The following CSMD1 variants were observed in gnomAD, a reference collection of about 807,000 sequenced individuals.
CSMD1 encodes the protein CUB and sushi domain-containing protein 1.
Under a neutral mutation model 417.5 loss-of-function variants are expected in CSMD1, and 213 were observed. The observed-to-expected ratio is 0.51, with a 90% CI of 0.46 to 0.57. The LOEUF is 0.57. Ranked by LOEUF, CSMD1 falls within the 20% of genes least tolerant of loss-of-function variation. CSMD1 has a pLI of 0.00. For synonymous variants in CSMD1, 2,862 were observed against 1,736.8 expected (o/e 1.65, Z -16.11); for missense variants, 6,923 against 4,529.7 (o/e 1.53, Z -15.17).
intron 7 of CSMD1, among the ~76,000 whole-genome samples, chr8:3,661,925 G>C (rs548932849): frequency 2.0e-5 from 3 of 152,174 alleles, no homozygotes; most frequent in Non-Finnish European, 2.9e-5. Context: ...TTATAGCAAA[G>C]AGGAGTAAGA....
rs114287682 is a variant in CSMD1 at position 3,693,921 on chromosome 8, G to C, written c.1009+14493C>G. On this transcript the variant is annotated intron_variant, in intron 7 of 69. Transcript: ENST00000635120. ...GTGTTGGCGTCTTGTGTGTGTGTGT[G>C]TTTGTTATGGTGTGTGCGTCGTGTG... 3.1e-3 allele frequency among the ~76,000 whole-genome samples: 473 copies of C among 151,502 alleles called. 5 individuals carry two copies. Among genetic ancestry groups the C allele is most frequent in the African/African-American group, 0.011 (455 of 41,272 alleles).
intron 3 of CSMD1, among the ~76,000 whole-genome samples, chr8:4,137,669 G>A (rs890184960): frequency 7.6e-6 from 1 of 130,926 alleles, no homozygotes; most frequent in Non-Finnish European, 1.8e-5. Flanking sequence ...CATACTGAAA[G>A]TAACTTCTTA....
intron 5 of CSMD1, among the ~76,000 whole-genome samples, chr8:3,763,332 G>C (rs1798110538): frequency 6.6e-6 from 1 of 152,156 alleles, no homozygotes; most frequent in Admixed American, 6.5e-5. Flanking sequence ...CCTGTGGGAG[G>C]TGTTGGTGTC....
intron 1 of CSMD1, among the ~76,000 whole-genome samples, chr8:4,643,074 T>C (rs547505628): frequency 6.6e-6 from 1 of 152,282 alleles, no homozygotes; most frequent in South Asian, 2.1e-4. Context: ...CGTATATAGA[T>C]TTGTGTGTAA....
At chr8:4,777,501 A>G (rs1476747567) in intron 1 of CSMD1, among the ~76,000 whole-genome samples, 1 of 152,208 alleles carries the variant, frequency 6.6e-6, no homozygotes, top group Non-Finnish European at 1.5e-5. Context: ...GAATAAAACA[A>G]TCATCCCAGT....
At chr8:3,761,500 A>ATTTTTTTT (rs57655479) in intron 5 of CSMD1, among the ~76,000 whole-genome samples, 12 of 93,398 alleles carry the variant, frequency 1.3e-4, no homozygotes, top group South Asian at 9.1e-4. Context: ...CAAAACGACC[A>ATTTTTTTT]TTTTTTTTTT....
Position 3,394,042 on chromosome 8 carries a change from A to T in CSMD1, c.2593+2152T>A, listed in dbSNP as rs1222584997. On this transcript the variant is annotated intron_variant, in intron 17 of 69. Transcript: ENST00000635120. ...TATATATATATATATATATATATAT[A>T]TATATATATATATAGAAAAAAAGAA... Among the ~76,000 whole-genome samples the T allele has an allele frequency of 9.4e-4, 123 of 131,470 alleles. 3 individuals are homozygous for T. Among genetic ancestry groups the T allele is most frequent in the Non-Finnish European group, 1.4e-3 (85 of 60,532 alleles). The allele number at this position is 131,470 out of a possible 152,430, so 86.2% of individuals were successfully genotyped here. A position where few individuals can be genotyped will look rare whatever the true frequency, so the allele number is the denominator to read the frequency against.
chr8:3,708,873 A>C (rs150563951), intron 6 of CSMD1, among the ~76,000 whole-genome samples: 2 of 152,280 alleles, frequency 1.3e-5, no homozygotes, highest in East Asian at 3.9e-4. Context: ...TAAGTTTGCT[A>C]TAATCATGAA....
At chr8:4,133,836 ACCT>A (rs993558918) in intron 3 of CSMD1, among the ~76,000 whole-genome samples, 29 of 152,132 alleles carry the variant, frequency 1.9e-4, no homozygotes, top group African/African-American at 7.0e-4. Context: ...TGAAACACAC[ACCT>A]GCTTTGCAAT....
chr8:3,460,606 A>G (rs1372658037), intron 12 of CSMD1, among the ~76,000 whole-genome samples: 4 of 152,200 alleles, frequency 2.6e-5, no homozygotes, highest in Admixed American at 1.3e-4. Context: ...GGGTAAGAGA[A>G]TGAAGATAAA....
chr8:3,796,282 A>ATGTATAGATATATATATCTATCG lies in CSMD1; in HGVS notation c.819-42241_819-42240insCGATAGATATATATATCTATACA, dbSNP rs1800116881. ...GTATAGATATAGATATATATCTATC[A>ATGTATAGATATATATATCTATCG]TGTATAGATATATCTATCATGTATA... On this transcript the variant is annotated intron_variant, in intron 5 of 69. Coordinates refer to ENST00000635120, the MANE Select transcript of CSMD1 (RefSeq NM_033225.6). 4.5e-5 allele frequency among the ~76,000 whole-genome samples: 3 copies of ATGTATAGATATATATATCTATCG among 66,360 alleles called. 1 individual carries two copies. The highest frequency in any genetic ancestry group is 1.2e-4 in the African/African-American group (3 of 24,358). The allele number at this position is 66,360 out of a possible 152,430, so 43.5% of individuals were successfully genotyped here.
chr8:4,540,622 TGA>T (rs1448959311), intron 2 of CSMD1, among the ~76,000 whole-genome samples: 1 of 152,082 alleles, frequency 6.6e-6, no homozygotes, highest in Non-Finnish European at 1.5e-5. Context: ...AAATAAACCT[TGA>T]GAGGGGCCAG....
intron 59 of CSMD1, among the ~76,000 whole-genome samples, chr8:2,964,487 G>C (rs1353072171): frequency 6.6e-6 from 1 of 152,198 alleles, no homozygotes. Context: ...ACAAGTTCAA[G>C]GAGGGACAGA....
chr8:4,333,651 G>C (rs186672163), intron 3 of CSMD1, among the ~76,000 whole-genome samples: 4 of 152,198 alleles, frequency 2.6e-5, no homozygotes, highest in Non-Finnish European at 4.4e-5. Flanking sequence ...GACACACTGA[G>C]AACACATCAT....
intron 2 of CSMD1, among the ~76,000 whole-genome samples, chr8:4,456,974 TG>T (rs199567096): frequency 2.5e-3 from 182 of 71,492 alleles, no homozygotes; most frequent in Admixed American, 2.9e-3. Context: ...TTGATGAGTG[TG>T]GTTTTTTTTT....
At chr8:3,522,068 A>G (rs534219034) in intron 10 of CSMD1, among the ~76,000 whole-genome samples, 7 of 152,310 alleles carry the variant, frequency 4.6e-5, no homozygotes, top group African/African-American at 1.7e-4. Flanking sequence ...CTCCTTATAG[A>G]TATTTGGGAT....
At chr8:4,322,946 C>G (rs1377837871) in intron 3 of CSMD1, among the ~76,000 whole-genome samples, 1 of 152,208 alleles carries the variant, frequency 6.6e-6, no homozygotes, top group Non-Finnish European at 1.5e-5. Context: ...GATCGTGCCC[C>G]TGCAACCCAG....
intron 1 of CSMD1, among the ~76,000 whole-genome samples, chr8:4,829,667 G>C (rs562472350): frequency 6.6e-6 from 1 of 151,282 alleles, no homozygotes; most frequent in African/African-American, 2.4e-5. Flanking sequence ...TTAAATCCAG[G>C]ATGTGGGAGC....
rs114936296 is a variant in CSMD1 at position 3,541,439 on chromosome 8, G to C, written c.1344+33506C>G. Reference sequence around the variant, plus strand: ...AATACGTGTGGGGCTTAATACCTAGGTGATGGGTTGATAGGTGTAACAAAC... The same window carrying C: ...AATACGTGTGGGGCTTAATACCTAGCTGATGGGTTGATAGGTGTAACAAAC... On this transcript the variant is annotated intron_variant, in intron 10 of 69. Transcript: ENST00000635120. Among the ~76,000 whole-genome samples, 426 of 152,058 alleles carry C rather than the reference G, an allele frequency of 2.8e-3. 2 individuals are homozygous for C. The highest frequency in any genetic ancestry group is 9.8e-3 in the African/African-American group (408 of 41,438).
Sources: gnomAD v4.1 joint callset for allele counts (sites outside exome capture counted in the v4.1 genomes callset) on GRCh38, gnomAD v4.1.1 for gene constraint, MANE v1.5 for transcripts, NCBI Gene and HGNC (gene_info 2026-07-23, HGNC 2026-07-21) for gene names.